TFG: variants seen among roughly 807,000 people sequenced by gnomAD.
TFG encodes protein TFG.
Under a neutral mutation model 51.4 loss-of-function variants are expected in TFG, and 22 were observed. That is an observed-to-expected ratio of 0.43 (90% CI 0.31 to 0.61). The LOEUF is 0.61. Ranked by LOEUF, TFG falls within the 20% of genes least tolerant of loss-of-function variation. The pLI is 0.12. For synonymous variants in TFG, 187 were observed against 165.6 expected (o/e 1.13, Z -0.99); for missense variants, 419 against 487.7 (o/e 0.86, Z 1.33).
chr3:100,735,387 C>T lies in TFG; in HGVS notation c.581-1189C>T, dbSNP rs144108914. On this transcript the variant is annotated intron_variant, in intron 5 of 7. Transcript: ENST00000240851. ...TATATGGAACTTTCTGAGTAGTAGTCACTTTTATAAGCTTTTGCTGTATAA... is the reference window on the plus strand; with the variant it reads ...TATATGGAACTTTCTGAGTAGTAGTTACTTTTATAAGCTTTTGCTGTATAA... 6.0e-3 allele frequency among the ~76,000 whole-genome samples: 917 copies of T among 152,280 alleles called. 14 individuals carry two copies. The highest frequency in any genetic ancestry group is 0.021 in the African/African-American group (874 of 41,562).
chr3:100,717,030 G>A (rs2095048289), intron 2 of TFG, among the ~76,000 whole-genome samples: 1 of 152,082 alleles, frequency 6.6e-6, no homozygotes, highest in Admixed American at 6.6e-5. Flanking sequence ...GTGCAGAAAA[G>A]TTTTCCAGTT....
At chr3:100,713,568 A>G (rs1167542697) in intron 1 of TFG, 75 bp from the exon 2 acceptor site, 1 of 590,110 alleles carries the variant, frequency 1.7e-6, no homozygotes, top group Non-Finnish European at 2.7e-6. Flanking sequence ...AGAGTTTCTT[A>G]GCATCTAATA....
intron 2 of TFG, among the ~76,000 whole-genome samples, chr3:100,716,678 T>C (rs1449271658): frequency 6.6e-6 from 1 of 152,232 alleles, no homozygotes; most frequent in African/African-American, 2.4e-5. Context: ...AGTTCCCTTT[T>C]CTCTTCATTC....
chr3:100,737,660 T>A (rs533383804), intron 6 of TFG, among the ~76,000 whole-genome samples: 6 of 152,164 alleles, frequency 3.9e-5, no homozygotes, highest in African/African-American at 1.4e-4. Flanking sequence ...AGCAAGTGAT[T>A]AAGGTTATCA....
At chr3:100,744,276 G>T (rs1157821857) in intron 6 of TFG, 3 of 152,100 alleles carry the variant, frequency 2.0e-5, no homozygotes, top group African/African-American at 7.2e-5. Context: ...CACGTTATTG[G>T]CAAAAGATGT....
chr3:100,716,106 A>G (rs192147065), intron 2 of TFG, among the ~76,000 whole-genome samples: 23 of 152,272 alleles, frequency 1.5e-4, no homozygotes, highest in Middle Eastern at 3.4e-3. Context: ...TTGAAATTAT[A>G]TAATATGTTA....
Position 100,748,766 on chromosome 3 carries a change from T to A in TFG, c.*235T>A. 2.0e-6 allele frequency: 1 copy of A among 496,284 alleles called. No individual in the cohort carries two copies. Among genetic ancestry groups the A allele is most frequent in the Non-Finnish European group, 3.5e-6 (1 of 281,878 alleles). The allele number at this position is 496,284 out of a possible 1,614,324, so 30.7% of individuals were successfully genotyped here. A position where few individuals can be genotyped will look rare whatever the true frequency, so the allele number is the denominator to read the frequency against. ...CTTCTTAGTTACTTTGGAACACTAC[T>A]CTTACATGTATAAAGTGATTGACTT... On this transcript the variant is annotated 3_prime_UTR_variant, in exon 8 of 8. Coordinates refer to ENST00000240851, the MANE Select transcript of TFG (RefSeq NM_006070.6).
chr3:100,741,853 C>T (rs2095122077), intron 6 of TFG, among the ~76,000 whole-genome samples: 1 of 152,162 alleles, frequency 6.6e-6, no homozygotes, highest in African/African-American at 2.4e-5. Flanking sequence ...GTATTCAGTA[C>T]AGGAACATGC....
chr3:100,728,944 A>T, intron 4 of TFG, 86 bp downstream of exon 4: 2 of 1,206,000 alleles, frequency 1.7e-6, no homozygotes, highest in South Asian at 3.3e-5. Flanking sequence ...TAGGAGAAGG[A>T]TGGCATCCCC....
chr3:100,721,043 A>G (rs2149067909), intron 3 of TFG, among the ~76,000 whole-genome samples: 1 of 152,316 alleles, frequency 6.6e-6, no homozygotes, highest in Admixed American at 6.5e-5. Flanking sequence ...AGGAAGGATG[A>G]ATATGAATAA....
intron 3 of TFG, among the ~76,000 whole-genome samples, chr3:100,724,356 GTTTA>G (rs2095069123): frequency 6.6e-6 from 1 of 152,076 alleles, no homozygotes; most frequent in Non-Finnish European, 1.5e-5. Flanking sequence ...TAGAAATGAA[GTTTA>G]TAGTAGAAAC....
chr3:100,710,646 C>T (rs2095028113), intron 1 of TFG, among the ~76,000 whole-genome samples: 1 of 152,192 alleles, frequency 6.6e-6, no homozygotes, highest in South Asian at 2.1e-4. Flanking sequence ...GTTCAGGAGG[C>T]AGGCTTTTTA....
At chr3:100,710,143 T>A (rs1317781435) in intron 1 of TFG, 1 of 151,930 alleles carries the variant, frequency 6.6e-6, no homozygotes. Context: ...GGGTGTGGAG[T>A]GGCGCCTACG....
intron 1 of TFG, among the ~76,000 whole-genome samples, chr3:100,713,171 T>C (rs2095035584): frequency 6.6e-6 from 1 of 152,200 alleles, no homozygotes; most frequent in African/African-American, 2.4e-5. Flanking sequence ...TGATGGTGGC[T>C]TGAATCAAGT....
chr3:100,731,940 TAGA>T (rs2095092752), intron 4 of TFG, among the ~76,000 whole-genome samples: 1 of 152,196 alleles, frequency 6.6e-6, no homozygotes, highest in Admixed American at 6.5e-5. Flanking sequence ...CATATTAAAA[TAGA>T]AGGTAGCAAA....
upstream of TFG, chr3:100,709,321 C>G (rs2095022032): frequency 6.6e-6 from 1 of 152,276 alleles, no homozygotes; most frequent in Non-Finnish European, 1.5e-5. Flanking sequence ...TGCATCGGGG[C>G]AGCTCACGCT....
chr3:100,731,567 A>C (rs1250858755), intron 4 of TFG, among the ~76,000 whole-genome samples: 1 of 152,192 alleles, frequency 6.6e-6, no homozygotes, highest in African/African-American at 2.4e-5. Context: ...TTATAGTATC[A>C]TATAATTACA....
At position 100,736,651 on chromosome 3, in the gene TFG, C is replaced by T; in HGVS notation, c.656C>T (p.Pro219Leu). The part of the protein sequence containing the change: ...SIASSSSAAH[P>L]PGVQPQQPPY... ...GCTTCCTCCTCCTCAGCAGCTCACC[C>T]ACCAGGCGTTCAGCCACAGCAGCCA... The change falls in exon 6 of 8, where the codon CCA becomes CTA. Residue 219 changes from proline to leucine, a missense_variant. Around this residue, in one of 3 missense-constraint regions of TFG, gnomAD observed 391 missense variants for 434.4 expected, o/e 0.90. Transcript: ENST00000240851. 6.2e-7 allele frequency: 1 copy of T among 1,614,002 alleles called. No individual in the cohort carries two copies. Among genetic ancestry groups the T allele is most frequent in the Admixed American group, 1.7e-5 (1 of 59,978 alleles).
intron 6 of TFG, among the ~76,000 whole-genome samples, chr3:100,738,851 A>G (rs1559720306): frequency 6.6e-6 from 1 of 152,218 alleles, no homozygotes; most frequent in Non-Finnish European, 1.5e-5. Context: ...ATGTTTAAGA[A>G]AAGGTAAAAT....
Sources: gnomAD v4.1 joint callset for allele counts (sites outside exome capture counted in the v4.1 genomes callset) on GRCh38, gnomAD v4.1.1 for gene constraint, gnomAD v4.1.1 regional missense constraint, MANE v1.5 for transcripts, NCBI Gene and HGNC (gene_info 2026-07-23, HGNC 2026-07-21) for gene names.